The following DNMT3A variants were observed in gnomAD, a reference collection of about 807,000 sequenced individuals.
DNMT3A encodes the protein DNA (cytosine-5)-methyltransferase 3A.
In DNMT3A, 267 loss-of-function variants were observed where a neutral mutation model predicts 117.6. That is an observed-to-expected ratio of 2.27 (90% CI 2.05 to 2.51). The LOEUF (loss-of-function observed/expected upper bound fraction) is 2.51, where lower values mean the gene tolerates loss of function less well. Among genes scored for constraint, DNMT3A ranks in the 30% most tolerant of loss-of-function variants. DNMT3A has a pLI of 0.00. For synonymous variants in DNMT3A, 432 were observed against 474.8 expected, an observed-to-expected ratio of 0.91 and a Z score of 1.17; for missense variants, 1,029 against 1,260.2, an observed-to-expected ratio of 0.82 and a Z score of 2.78.
chr2:25,340,130 G>C (rs2035358785), intron 1 of DNMT3A, among the ~76,000 whole-genome samples: 1 of 152,194 alleles, frequency 6.6e-6, no homozygotes, highest in African/African-American at 2.4e-5. Flanking sequence ...CTGGGGCTCG[G>C]CCCTGCCCAC....
rs1459447575 is a variant in DNMT3A, at chr2:25,244,182, G to A, written c.1824C>T (p.Phe608=). 3 of 1,613,948 alleles carry A rather than the reference G, an allele frequency of 1.9e-6. No individual in the cohort carries two copies. The highest frequency in any genetic ancestry group is 2.5e-6 in the Non-Finnish European group (3 of 1,180,042). ...ATTCCTGGTCGTGGTTATTAGCGAA[G>A]AACATCTGGAGCCGGGAGGGCCAGT... is the stretch of plus-strand genomic sequence containing the variant. ...REDWPSRLQM[F]FANNHDQEFD... Residue 608 remains phenylalanine (F), a synonymous_variant, in exon 15 of 23, where the codon TTC becomes TTT. Transcript: ENST00000321117.
chr2:25,282,821 A>G lies in DNMT3A; in HGVS notation c.178-110T>C. 7.4e-7 allele frequency: 1 copy of G among 1,343,800 alleles called. No homozygotes were observed. The highest frequency in any genetic ancestry group is 9.9e-7 in the Non-Finnish European group (1 of 1,006,960). The allele number at this position is 1,343,800 out of a possible 1,614,324, so 83.2% of individuals were successfully genotyped here. A position where few individuals can be genotyped will look rare whatever the true frequency, so the allele number is the denominator to read the frequency against. ...AGAGAATGTTATGCACTTTCTGTCC[A>G]GAAACTGTGTTCATATAAACCTTCA... On this transcript the variant is annotated intron_variant, in intron 3 of 22. Transcript: ENST00000321117. The surrounding 1 kb of genome is among the most constrained non-coding windows in gnomAD (Gnocchi z 5.2).
chr2:25,251,777 T>C, intron 6 of DNMT3A: 1 of 258,940 alleles, frequency 3.9e-6, no homozygotes, highest in Non-Finnish European at 7.4e-6. Context: ...GGCAGGGCCC[T>C]GAGGACCGCG....
Position 25,306,410 on chromosome 2 carries a change from C to T in DNMT3A, c.73-6167G>A, listed in dbSNP as rs1263235280. 6.6e-6 allele frequency among the ~76,000 whole-genome samples: 1 copy of T among 152,304 alleles called. No individual in the cohort carries two copies. Among genetic ancestry groups the T allele is most frequent in the South Asian group, 2.1e-4 (1 of 4,824 alleles). On this transcript the variant is annotated intron_variant, in intron 2 of 22. Coordinates refer to ENST00000321117, the MANE Select transcript of DNMT3A (RefSeq NM_022552.5). The surrounding 1 kb of genome is among the most constrained non-coding windows in gnomAD (Gnocchi z 4.1). ...ACAAGTAACCATTGACTGCTTAGGT[C>T]GTGTCATAATTACCGAGGAAAGCCT... is the stretch of plus-strand genomic sequence containing the variant.
intron 19 of DNMT3A, among the ~76,000 whole-genome samples, chr2:25,240,060 A>C (rs564931469): frequency 5.9e-5 from 9 of 152,138 alleles, no homozygotes; most frequent in Admixed American, 1.3e-4. Context: ...CAGGTCCTTC[A>C]ACCCCGGAGG....
intron 3 of DNMT3A, among the ~76,000 whole-genome samples, chr2:25,287,170 C>T (rs549791672): frequency 6.6e-5 from 10 of 152,304 alleles, no homozygotes; most frequent in Admixed American, 5.9e-4. Flanking sequence ...AGCACACCCC[C>T]GAGATACTCA....
At chr2:25,284,530 T>C (rs1433378502) in intron 3 of DNMT3A, among the ~76,000 whole-genome samples, 1 of 150,910 alleles carries the variant, frequency 6.6e-6, no homozygotes, top group African/African-American at 2.4e-5. Flanking sequence ...GCCTGTCATC[T>C]CAGCTATTTG....
In DNMT3A at chr2:25,305,420, G is replaced by C. The variant is rs1323351064; in HGVS notation, c.73-5177C>G. Among the ~76,000 whole-genome samples, 1 of 152,174 alleles carries C rather than the reference G, an allele frequency of 6.6e-6. No homozygotes were observed. The highest frequency in any genetic ancestry group is 1.5e-5 in the Non-Finnish European group (1 of 68,038). On this transcript the variant is annotated intron_variant, in intron 2 of 22. Transcript: ENST00000321117. The surrounding 1 kb of genome is among the most constrained non-coding windows in gnomAD (Gnocchi z 4.1). Reference sequence around the variant, plus strand: ...CATATACAACGTCTCATTCTGATGCGCTGGGCTATGACGATAATAATCTCT... The same window carrying C: ...CATATACAACGTCTCATTCTGATGCCCTGGGCTATGACGATAATAATCTCT...
chr2:25,244,244 G>T lies in DNMT3A; in HGVS notation c.1762C>A (p.His588Asn). 2 of 1,614,048 alleles carry T rather than the reference G, an allele frequency of 1.2e-6. No homozygotes were observed. Residue 588 changes from histidine (H) to asparagine (N), a missense_variant, in exon 15 of 23, where the codon CAC becomes AAC. Coordinates refer to ENST00000321117, the MANE Select transcript of DNMT3A (RefSeq NM_022552.5). ...CGCAGCAGCCCGTAGGTACCCTTGT[G>T]CCCGCACATGTAGCAGTTCCAGGGG... ...EDPWNCYMCG[H>N]KGTYGLLRRR...
At chr2:25,239,778 G>A (rs941787831) in intron 19 of DNMT3A, among the ~76,000 whole-genome samples, 1 of 152,212 alleles carries the variant, frequency 6.6e-6, no homozygotes, top group Non-Finnish European at 1.5e-5. Context: ...CAAGCTCCCA[G>A]AAGGGCCACT....
chr2:25,326,542 C>T lies in DNMT3A; in HGVS notation c.-177-12381G>A, dbSNP rs555855964. ...GAGCTGGGCCCTTTAACTACTTTTCCTTTGTCAGCTGGCACAACTGTGGAG... is the reference window on the plus strand; with the variant it reads ...GAGCTGGGCCCTTTAACTACTTTTCTTTTGTCAGCTGGCACAACTGTGGAG... On this transcript the variant is annotated intron_variant, in intron 1 of 22. Coordinates refer to ENST00000321117, the MANE Select transcript of DNMT3A (RefSeq NM_022552.5). 1.1e-4 allele frequency among the ~76,000 whole-genome samples: 17 copies of T among 152,280 alleles called. No individual in the cohort carries two copies. In the East Asian group the frequency reaches 3.3e-3, roughly 29 times the overall value.
At chr2:25,302,200 G>C (rs1401118271) in intron 2 of DNMT3A, among the ~76,000 whole-genome samples, 2 of 152,124 alleles carry the variant, frequency 1.3e-5, no homozygotes, top group Admixed American at 6.5e-5. Flanking sequence ...GAGATAGAGA[G>C]AGAATGCTCG....
intron 3 of DNMT3A, among the ~76,000 whole-genome samples, chr2:25,297,829 C>A (rs1023799134): frequency 3.9e-5 from 6 of 152,182 alleles, no homozygotes; most frequent in Non-Finnish European, 7.4e-5. Context: ...CATTTGGACT[C>A]TTTTGCTGTT....
chr2:25,320,408 A>T (rs1227447107), intron 1 of DNMT3A, among the ~76,000 whole-genome samples: 1 of 152,212 alleles, frequency 6.6e-6, no homozygotes, highest in Non-Finnish European at 1.5e-5. Context: ...GAGGTGATGG[A>T]TATACCAACT....
In DNMT3A at chr2:25,281,817, G is replaced by A. The variant is rs2031902455; in HGVS notation, c.448+624C>T. On this transcript the variant is annotated intron_variant, in intron 4 of 22. Transcript: ENST00000321117. This position sits in a 1 kb window ranked among gnomAD's most constrained non-coding sequence, Gnocchi z 4.8. ...AGGCCAAAAAGTCCCCAGATGAAGA[G>A]GCCTGGGCTGGGCAGTACACAGAAT... 2 of 1,066,344 alleles carry A rather than the reference G, an allele frequency of 1.9e-6. No homozygotes were observed. The highest frequency in any genetic ancestry group is 5.3e-5 in the Admixed American group (1 of 18,782). 66.1% of individuals were successfully genotyped at this position (1,066,344 alleles called of 1,614,324 possible).
In DNMT3A at chr2:25,306,787, G is replaced by C. The variant is rs1156587539; in HGVS notation, c.73-6544C>G. ...TCTATTGAGCACCTACTGTGTACTG[G>C]ATACAAAGATAAACAAATAGGAAAC... On this transcript the variant is annotated intron_variant, in intron 2 of 22. Transcript: ENST00000321117. This position sits in a 1 kb window ranked among gnomAD's most constrained non-coding sequence, Gnocchi z 4.1. Among the ~76,000 whole-genome samples the C allele has an allele frequency of 6.6e-6, 1 of 152,216 alleles. No individual in the cohort carries two copies. Among genetic ancestry groups the C allele is most frequent in the African/African-American group, 2.4e-5 (1 of 41,456 alleles).
At position 25,236,276 on chromosome 2, in the gene DNMT3A, G is replaced by A. The variant is rs925174588; in HGVS notation, c.2479-451C>T. On this transcript the variant is annotated intron_variant, in intron 21 of 22. Coordinates refer to ENST00000321117, the MANE Select transcript of DNMT3A (RefSeq NM_022552.5). This position sits in a 1 kb window ranked among gnomAD's most constrained non-coding sequence, Gnocchi z 4.5. ...GACAGGGTTTCACCGTGTCGGCCAG[G>A]CTGGTCTCAAACTCCTGACCTCAGG... Among the ~76,000 whole-genome samples the A allele has an allele frequency of 3.9e-5, 6 of 152,298 alleles. No homozygotes were observed. The highest frequency in any genetic ancestry group is 2.1e-4 in the South Asian group (1 of 4,820).
intron 6 of DNMT3A, among the ~76,000 whole-genome samples, chr2:25,251,369 AG>A (rs1255983903): frequency 1.4e-5 from 2 of 146,300 alleles, no homozygotes; most frequent in East Asian, 4.0e-4. Flanking sequence ...GCTCACCCCC[AG>A]GGGGGCGGAG....
intron 20 of DNMT3A, among the ~76,000 whole-genome samples, chr2:25,238,668 G>A (rs556220535): frequency 6.6e-6 from 1 of 152,340 alleles, no homozygotes; most frequent in South Asian, 2.1e-4. Flanking sequence ...AACAAAGTGT[G>A]TGATTAGTAA....
Sources: allele counts gnomAD v4.1 joint callset (sites outside exome capture counted in the v4.1 genomes callset), GRCh38; gene constraint gnomAD v4.1.1; non-coding constraint Gnocchi (gnomAD v3.1); transcripts MANE v1.5; gene names NCBI Gene and HGNC (gene_info 2026-07-23, HGNC 2026-07-21).